Variants in CUX2 observed in about 807,000 individuals in gnomAD.
The protein encoded by CUX2 is cut like homeobox 2, also known as homeobox protein cut-like 2.
CUX2 carries 40 observed loss-of-function variants against 144.8 expected under a neutral mutation model. The observed-to-expected ratio is 0.28, with a 90% CI of 0.21 to 0.36. The LOEUF (loss-of-function observed/expected upper bound fraction) is 0.36, where lower values mean the gene tolerates loss of function less well. Ranked by LOEUF, CUX2 falls within the 10% of genes least tolerant of loss-of-function variation. The pLI is 1.00. For missense variants in CUX2, 1,615 were observed against 1,994.0 expected (o/e 0.81, Z 3.62); for synonymous variants, 827 against 875.6 (o/e 0.94, Z 0.98).
intron 1 of CUX2, among the ~76,000 whole-genome samples, chr12:111,206,538 A>G (rs1188438022): frequency 6.6e-6 from 1 of 152,182 alleles, no homozygotes; most frequent in Non-Finnish European, 1.5e-5. Flanking sequence ...ATGTCGGCAC[A>G]TAGTGTTAGA....
At chr12:111,260,260 C>T (rs1269271057) in intron 3 of CUX2, among the ~76,000 whole-genome samples, 2 of 151,388 alleles carry the variant, frequency 1.3e-5, no homozygotes, top group East Asian at 1.9e-4. Context: ...GTCAGGAGCT[C>T]GAGACCATCC....
At chr12:111,272,037 C>T (rs951484270) in intron 4 of CUX2, among the ~76,000 whole-genome samples, 8 of 152,190 alleles carry the variant, frequency 5.3e-5, no homozygotes, top group African/African-American at 1.4e-4. Flanking sequence ...TCTGAATATC[C>T]GGTCCTGTTT....
At chr12:111,123,172 G>A (rs973748769) in intron 1 of CUX2, among the ~76,000 whole-genome samples, 6 of 152,088 alleles carry the variant, frequency 3.9e-5, no homozygotes, top group East Asian at 1.9e-4. Flanking sequence ...ATGCTTACCC[G>A]GCATATAGTT....
rs944331249 is a variant in CUX2 at position 111,307,382 on chromosome 12, G to A, written c.1109+125G>A. The A allele has an allele frequency of 9.4e-6, 8 of 853,960 alleles. No homozygotes were observed. Among genetic ancestry groups the A allele is most frequent in the Non-Finnish European group, 1.5e-5 (8 of 549,802 alleles). The allele number at this position is 853,960 out of a possible 1,614,324, so 52.9% of individuals were successfully genotyped here. On this transcript the variant is annotated intron_variant, in intron 12 of 21. Coordinates refer to ENST00000261726, the MANE Select transcript of CUX2 (RefSeq NM_015267.4). The surrounding 1 kb of genome is among the most constrained non-coding windows in gnomAD (Gnocchi z 4.1). ...TTGTTCTTCTCTCCACTAACACTGT[G>A]GATATCAAACCTTAACCATCCTCAG...
At chr12:111,141,176 T>C (rs899533366) in intron 1 of CUX2, among the ~76,000 whole-genome samples, 7 of 152,012 alleles carry the variant, frequency 4.6e-5, no homozygotes, top group Non-Finnish European at 8.8e-5. Flanking sequence ...ATTAAGACTA[T>C]AGTTTAAATC....
chr12:111,187,779 G>T (rs1178868995), intron 1 of CUX2, among the ~76,000 whole-genome samples: 1 of 152,194 alleles, frequency 6.6e-6, no homozygotes, highest in Non-Finnish European at 1.5e-5. Context: ...CCACTGGCCT[G>T]CTTCTTCACT....
At chr12:111,080,776 CAGTA>C (rs1398135327) in intron 1 of CUX2, among the ~76,000 whole-genome samples, 2 of 152,188 alleles carry the variant, frequency 1.3e-5, no homozygotes, top group African/African-American at 4.8e-5. Flanking sequence ...AGTAGGTGCT[CAGTA>C]AGTATCTGTT....
At chr12:111,299,308 A>G (rs1886169095) in intron 9 of CUX2, among the ~76,000 whole-genome samples, 2 of 152,340 alleles carry the variant, frequency 1.3e-5, no homozygotes, top group Admixed American at 6.5e-5. Flanking sequence ...CTTGGAAGAC[A>G]TTTTGAAGCT....
At chr12:111,167,389 TG>T (rs1300068106) in intron 1 of CUX2, among the ~76,000 whole-genome samples, 2 of 152,284 alleles carry the variant, frequency 1.3e-5, no homozygotes, top group South Asian at 4.2e-4. Flanking sequence ...AAGTAGACCA[TG>T]GGCTTCTCGA....
chr12:111,233,746 T>G (rs1882598378), intron 3 of CUX2, among the ~76,000 whole-genome samples: 1 of 152,218 alleles, frequency 6.6e-6, no homozygotes, highest in Non-Finnish European at 1.5e-5. Flanking sequence ...ATACTCTGAT[T>G]GAGACACCAA....
intron 1 of CUX2, among the ~76,000 whole-genome samples, chr12:111,163,761 TC>T: frequency 6.6e-6 from 1 of 152,300 alleles, no homozygotes; most frequent in East Asian, 1.9e-4. Flanking sequence ...CTCTTCTCCT[TC>T]ATCCCCCTGA....
intron 1 of CUX2, among the ~76,000 whole-genome samples, chr12:111,174,230 G>T (rs1878708016): frequency 1.3e-5 from 2 of 152,236 alleles, no homozygotes; most frequent in African/African-American, 4.8e-5. Flanking sequence ...GCAGAGAATT[G>T]CATGGAGCCA....
intron 3 of CUX2, among the ~76,000 whole-genome samples, chr12:111,245,835 C>G (rs1282731347): frequency 6.6e-6 from 1 of 151,890 alleles, no homozygotes; most frequent in Non-Finnish European, 1.5e-5. Flanking sequence ...ACCAGGGTGG[C>G]GTTTCATCCC....
rs75415884 is a variant in CUX2, at chr12:111,160,210, C to T, written c.64-53990C>T. Among the ~76,000 whole-genome samples the T allele has an allele frequency of 0.058, 8,889 of 152,160 alleles. 522 individuals carry two copies. The highest frequency in any genetic ancestry group is 0.15 in the African/African-American group (6,204 of 41,478). ...GGGGGACATTTGCTAAGCATGTCAA[C>T]AAGTTGTGATAGAAGAATTACAAAT... On this transcript the variant is annotated intron_variant, in intron 1 of 21. Coordinates refer to ENST00000261726, the MANE Select transcript of CUX2 (RefSeq NM_015267.4). This position sits in a 1 kb window ranked among gnomAD's most constrained non-coding sequence, Gnocchi z 4.1.
chr12:111,136,244 G>A (rs553238342), intron 1 of CUX2, among the ~76,000 whole-genome samples: 17 of 152,158 alleles, frequency 1.1e-4, no homozygotes, highest in South Asian at 4.2e-4. Context: ...CGCGATTCTC[G>A]GTAGAATTTA....
In CUX2 at chr12:111,334,174, G is replaced by A. The variant is rs148638083; in HGVS notation, c.2927-267G>A. 6.5e-3 allele frequency among the ~76,000 whole-genome samples: 952 copies of A among 146,158 alleles called. 7 individuals are homozygous for A. The highest frequency in any genetic ancestry group is 0.024 in the African/African-American group (906 of 38,438). On this transcript the variant is annotated intron_variant, in intron 18 of 21. Coordinates refer to ENST00000261726, the MANE Select transcript of CUX2 (RefSeq NM_015267.4). ...TGCACTCCAGCCTAGGCAACAGAGCGAGACTCCGTCTTAAAAAAAAAAAAA... is the reference window on the plus strand; with the variant it reads ...TGCACTCCAGCCTAGGCAACAGAGCAAGACTCCGTCTTAAAAAAAAAAAAA...
intron 20 of CUX2, among the ~76,000 whole-genome samples, chr12:111,341,554 C>T (rs182290351): frequency 6.6e-6 from 1 of 150,488 alleles, no homozygotes; most frequent in East Asian, 2.0e-4. Flanking sequence ...CCAGGGCTCC[C>T]GGGCGGGCGA....
intron 3 of CUX2, among the ~76,000 whole-genome samples, chr12:111,245,644 T>A (rs1391526244): frequency 6.6e-6 from 1 of 152,054 alleles, no homozygotes; most frequent in Non-Finnish European, 1.5e-5. Flanking sequence ...CTGCTGGTAT[T>A]CCTGGGAAAA....
intron 1 of CUX2, among the ~76,000 whole-genome samples, chr12:111,213,703 C>A (rs958483172): frequency 2.0e-5 from 3 of 152,278 alleles, no homozygotes; most frequent in Non-Finnish European, 2.9e-5. Flanking sequence ...TATTTATGAA[C>A]CTTTAAGTGT....
Sources: gnomAD v4.1 joint callset for allele counts (sites outside exome capture counted in the v4.1 genomes callset) on GRCh38, gnomAD v4.1.1 for gene constraint, Gnocchi (gnomAD v3.1) non-coding constraint, MANE v1.5 for transcripts, NCBI Gene and HGNC (gene_info 2026-07-23, HGNC 2026-07-21) for gene names.